Variants in ST18 observed in about 807,000 individuals in gnomAD.
ST18 encodes the protein ST18 C2H2C-type zinc finger transcription factor.
Under a neutral mutation model 110.0 loss-of-function variants are expected in ST18, and 50 were observed. The observed-to-expected ratio is 0.45, with a 90% CI of 0.36 to 0.58. The LOEUF (loss-of-function observed/expected upper bound fraction) is 0.58. Ranked by LOEUF, ST18 falls within the 20% of genes least tolerant of loss-of-function variation. ST18 has a pLI of 0.00. For synonymous variants in ST18, 461 were observed against 452.4 expected, an observed-to-expected ratio of 1.02 and a Z score of -0.24; for missense variants, 1,306 against 1,280.1, an observed-to-expected ratio of 1.02 and a Z score of -0.31.
chr8:52,113,913 C>A (rs1484145809), intron 25 of ST18, among the ~76,000 whole-genome samples: 1 of 138,800 alleles, frequency 7.2e-6, no homozygotes, highest in African/African-American at 2.6e-5. Context: ...TCTCTGTAAG[C>A]AGAATATCAG....
chr8:52,321,958 AT>A (rs1030553017), intron 2 of ST18, among the ~76,000 whole-genome samples: 1 of 152,170 alleles, frequency 6.6e-6, no homozygotes, highest in Non-Finnish European at 1.5e-5. Flanking sequence ...GCAAAGCCAT[AT>A]TTTTAAGTTA....
chr8:52,313,371 G>A (rs1369966021), intron 2 of ST18: 3 of 152,836 alleles, frequency 2.0e-5, no homozygotes, highest in Non-Finnish European at 4.4e-5. Flanking sequence ...ACCACATGCA[G>A]ATGTTGGTGT....
At chr8:52,370,986 T>C (rs536099857) in intron 2 of ST18, among the ~76,000 whole-genome samples, 32 of 152,348 alleles carry the variant, frequency 2.1e-4, no homozygotes, top group African/African-American at 7.2e-4. Flanking sequence ...TGGAGTCAGA[T>C]AAAAGTGGAT....
intron 2 of ST18, among the ~76,000 whole-genome samples, chr8:52,299,641 A>C (rs1391663171): frequency 6.6e-6 from 1 of 152,238 alleles, no homozygotes; most frequent in Non-Finnish European, 1.5e-5. Context: ...TCAGGCCTAC[A>C]TGAAGTGGCA....
At chr8:52,345,500 AGAT>A (rs1181110847) in intron 2 of ST18, among the ~76,000 whole-genome samples, 2 of 152,262 alleles carry the variant, frequency 1.3e-5, no homozygotes, top group Non-Finnish European at 2.9e-5. Flanking sequence ...GCTGCAGAAG[AGAT>A]GATACCAGTA....
intron 8 of ST18, among the ~76,000 whole-genome samples, chr8:52,198,215 C>T (rs914700061): frequency 6.6e-6 from 1 of 152,104 alleles, no homozygotes; most frequent in Non-Finnish European, 1.5e-5. Context: ...CCATACTGAC[C>T]AGGCTGGTCT....
intron 2 of ST18, among the ~76,000 whole-genome samples, chr8:52,255,995 C>T (rs1436991657): frequency 6.6e-6 from 1 of 152,188 alleles, no homozygotes; most frequent in Non-Finnish European, 1.5e-5. Context: ...CTTTCTTTCC[C>T]TGGAGTTCAT....
intron 3 of ST18, among the ~76,000 whole-genome samples, chr8:52,224,300 A>G (rs2136526259): frequency 6.6e-6 from 1 of 152,328 alleles, no homozygotes; most frequent in Admixed American, 6.5e-5. Context: ...TCAGCTGTAG[A>G]ATTGGTATTT....
chr8:52,253,408 T>C (rs2094410962), intron 2 of ST18, among the ~76,000 whole-genome samples: 1 of 152,158 alleles, frequency 6.6e-6, no homozygotes, highest in Non-Finnish European at 1.5e-5. Flanking sequence ...TCTGGTATTA[T>C]TTATTCTTTA....
Position 52,171,791 on chromosome 8 carries a change from C to A in ST18, c.1069+1G>T. On this transcript the variant is annotated splice_donor_variant, in intron 10 of 25. Transcript: ENST00000689386. LOFTEE classifies it high-confidence loss of function. ...AAAATAAATGCAAAAATGTGTCTTA[C>A]GTTTATTGTTAAAGATTTGTCTTCC... is the stretch of plus-strand genomic sequence containing the variant. 1 of 1,609,800 alleles carries A rather than the reference C, an allele frequency of 6.2e-7. No individual in the cohort carries two copies. Among genetic ancestry groups the A allele is most frequent in the Non-Finnish European group, 8.5e-7 (1 of 1,177,320 alleles).
At chr8:52,174,750 G>A (rs2066246470) in intron 9 of ST18, among the ~76,000 whole-genome samples, 1 of 152,132 alleles carries the variant, frequency 6.6e-6, no homozygotes, top group Non-Finnish European at 1.5e-5. Context: ...AGAAAAAGAG[G>A]AGCCCCACTG....
At chr8:52,170,479 T>A (rs2064505359) in intron 10 of ST18, among the ~76,000 whole-genome samples, 1 of 150,894 alleles carries the variant, frequency 6.6e-6, no homozygotes, top group African/African-American at 2.4e-5. Context: ...AATAAATAAA[T>A]AAATAAATAA....
At chr8:52,365,100 C>T (rs553622066) in intron 2 of ST18, among the ~76,000 whole-genome samples, 4 of 117,118 alleles carry the variant, frequency 3.4e-5, no homozygotes, top group South Asian at 7.0e-4. Context: ...GGTGACAGAG[C>T]GAGACTCTGT....
intron 2 of ST18, among the ~76,000 whole-genome samples, chr8:52,302,788 A>G (rs573798779): frequency 1.3e-5 from 2 of 152,362 alleles, no homozygotes; most frequent in African/African-American, 4.8e-5. Context: ...ATCTATACAG[A>G]TATAAAAATA....
intron 2 of ST18, among the ~76,000 whole-genome samples, chr8:52,334,454 G>A (rs1336112937): frequency 2.0e-5 from 3 of 152,214 alleles, no homozygotes; most frequent in African/African-American, 7.2e-5. Context: ...ACTCTTCCTT[G>A]TAGAAATCTG....
At chr8:52,180,047 A>G (rs1399738584) in intron 9 of ST18, 75 bp downstream of exon 9, 23 of 1,444,622 alleles carry the variant, frequency 1.6e-5, no homozygotes, top group Non-Finnish European at 2.1e-5. Context: ...CATACAAACC[A>G]CACACTCTAC....
chr8:52,241,628 C>T (rs2093413233), intron 2 of ST18, among the ~76,000 whole-genome samples: 1 of 152,220 alleles, frequency 6.6e-6, no homozygotes, highest in African/African-American at 2.4e-5. Context: ...ATTGTCTATA[C>T]TTCTGATACT....
intron 2 of ST18, among the ~76,000 whole-genome samples, chr8:52,259,077 C>T (rs1486168756): frequency 1.3e-5 from 2 of 152,204 alleles, no homozygotes; most frequent in Non-Finnish European, 2.9e-5. Flanking sequence ...GAGCCTGACA[C>T]AGGGCATTCA....
intron 2 of ST18, among the ~76,000 whole-genome samples, chr8:52,268,730 C>T (rs2094968702): frequency 6.6e-6 from 1 of 152,156 alleles, no homozygotes. Flanking sequence ...CTGAAGAATA[C>T]AAGAACGCAG....
Sources: gnomAD v4.1 joint callset for allele counts (sites outside exome capture counted in the v4.1 genomes callset) on GRCh38, gnomAD v4.1.1 for gene constraint, MANE v1.5 for transcripts, NCBI Gene and HGNC (gene_info 2026-07-23, HGNC 2026-07-21) for gene names.